The following GULP1 variants were observed in gnomAD, a reference collection of about 807,000 sequenced individuals.
GULP1 encodes PTB domain-containing engulfment adapter protein 1.
GULP1 carries 19 observed loss-of-function variants against 40.9 expected under a neutral mutation model. The ratio of observed to expected loss-of-function variants is 0.46; its 90% CI spans 0.32 to 0.68. GULP1 has a LOEUF of 0.68. Ranked by LOEUF, GULP1 falls within the 30% of genes least tolerant of loss-of-function variation. GULP1 has a pLI of 0.03. For synonymous variants in GULP1, 119 were observed against 117.6 expected (o/e 1.01, Z -0.08); for missense variants, 312 against 362.2 (o/e 0.86, Z 1.12).
chr2:188,385,515 G>A (rs1367522020), intron 2 of GULP1, among the ~76,000 whole-genome samples: 2 of 152,132 alleles, frequency 1.3e-5, no homozygotes, highest in East Asian at 3.9e-4. Context: ...ATTAACATTT[G>A]GCTCCTTGTT....
At chr2:188,382,030 T>C (rs1267150000) in intron 1 of GULP1, among the ~76,000 whole-genome samples, 1 of 152,190 alleles carries the variant, frequency 6.6e-6, no homozygotes, top group Non-Finnish European at 1.5e-5. Flanking sequence ...CCTTAAAATA[T>C]ACTGTGCTAA....
intron 6 of GULP1, 114 bp from the exon 7 acceptor site, chr2:188,541,067 G>T: frequency 1.2e-6 from 1 of 864,590 alleles, no homozygotes; most frequent in African/African-American, 1.7e-5. Context: ...TAAAATCAAA[G>T]ATTGACAGAT....
At chr2:188,399,734 T>TGTAA in intron 2 of GULP1, among the ~76,000 whole-genome samples, 1 of 78,924 alleles carries the variant, frequency 1.3e-5, no homozygotes, top group South Asian at 4.5e-4. Context: ...GTAATAACAA[T>TGTAA]AAAATGTCAT....
chr2:188,478,524 T>G (rs2061210435), intron 3 of GULP1, among the ~76,000 whole-genome samples: 1 of 151,966 alleles, frequency 6.6e-6, no homozygotes, highest in Non-Finnish European at 1.5e-5. Flanking sequence ...AATTCATAGG[T>G]GATTGAAAGC....
chr2:188,593,872 T>C, intron 11 of GULP1, 68 bp from the exon 12 acceptor site: 1 of 883,540 alleles, frequency 1.1e-6, no homozygotes, highest in Non-Finnish European at 1.9e-6. Flanking sequence ...GTGCATAGTC[T>C]TTTTTATTCA....
chr2:188,448,574 GA>G (rs1278400205), intron 2 of GULP1, among the ~76,000 whole-genome samples: 1 of 152,116 alleles, frequency 6.6e-6, no homozygotes, highest in Non-Finnish European at 1.5e-5. Context: ...GAAATATTTA[GA>G]ACTTACATTG....
chr2:188,320,914 A>G (rs1323698367), intron 1 of GULP1, among the ~76,000 whole-genome samples: 2 of 150,214 alleles, frequency 1.3e-5, no homozygotes, highest in African/African-American at 4.8e-5. Flanking sequence ...CTCCTCCTCC[A>G]GAAAAAAAAA....
intron 2 of GULP1, among the ~76,000 whole-genome samples, chr2:188,452,220 A>G (rs1559257454): frequency 1.3e-5 from 2 of 152,158 alleles, no homozygotes; most frequent in African/African-American, 4.8e-5. Flanking sequence ...ATGTGTTAAG[A>G]ATAATGAAAG....
intron 11 of GULP1, chr2:188,589,626 G>T: frequency 2.0e-6 from 1 of 512,784 alleles, no homozygotes; most frequent in South Asian, 3.6e-5. Context: ...ACAATGTATT[G>T]GGATGATTGA....
At chr2:188,462,305 A>AT (rs976070351) in intron 2 of GULP1, among the ~76,000 whole-genome samples, 2 of 151,946 alleles carry the variant, frequency 1.3e-5, no homozygotes, top group African/African-American at 4.8e-5. Context: ...TATTATTTCA[A>AT]TTTTTTGAAT....
chr2:188,422,045 G>A (rs544847550), intron 2 of GULP1, among the ~76,000 whole-genome samples: 15 of 147,228 alleles, frequency 1.0e-4, no homozygotes, highest in African/African-American at 2.5e-4. Flanking sequence ...AGAAATATTC[G>A]CAACTTAAAT....
intron 1 of GULP1, among the ~76,000 whole-genome samples, chr2:188,297,911 G>T (rs192590387): frequency 5.3e-5 from 8 of 152,100 alleles, no homozygotes; most frequent in Non-Finnish European, 1.0e-4. Context: ...TGTGATTTTA[G>T]CTTCTCAATT....
At chr2:188,411,588 T>A (rs902898438) in intron 2 of GULP1, among the ~76,000 whole-genome samples, 4 of 152,166 alleles carry the variant, frequency 2.6e-5, no homozygotes, top group African/African-American at 9.7e-5. Flanking sequence ...CACCCTTTGT[T>A]GAGCATTCAC....
At chr2:188,517,945 A>G (rs916583334) in intron 4 of GULP1, among the ~76,000 whole-genome samples, 3 of 151,220 alleles carry the variant, frequency 2.0e-5, no homozygotes, top group African/African-American at 7.3e-5. Context: ...ATAGTTAACA[A>G]CTCTTCTGTT....
At chr2:188,589,540 C>T in intron 11 of GULP1, 1 of 369,620 alleles carries the variant, frequency 2.7e-6, no homozygotes, top group South Asian at 1.1e-4. Flanking sequence ...TAGATTTTCC[C>T]AAAATTGGAA....
intron 1 of GULP1, among the ~76,000 whole-genome samples, chr2:188,340,094 A>G (rs941620164): frequency 6.6e-6 from 1 of 152,228 alleles, no homozygotes; most frequent in African/African-American, 2.4e-5. Context: ...GAGGGGATGG[A>G]CTACCTTTAG....
chr2:188,404,012 C>T (rs78470443), intron 2 of GULP1, among the ~76,000 whole-genome samples: 6,813 of 152,172 alleles, frequency 0.045, 170 homozygotes, highest in Middle Eastern at 0.058. Context: ...ACCATTCCCC[C>T]ACTCTCACTA....
At chr2:188,413,601 CATT>C (rs1196270381) in intron 2 of GULP1, among the ~76,000 whole-genome samples, 8 of 152,224 alleles carry the variant, frequency 5.3e-5, no homozygotes, top group African/African-American at 1.7e-4. Context: ...TTAAAATTCT[CATT>C]ATGTGTGCAA....
At chr2:188,564,240 T>C (rs951303533) in intron 7 of GULP1, among the ~76,000 whole-genome samples, 1 of 151,906 alleles carries the variant, frequency 6.6e-6, no homozygotes, top group Non-Finnish European at 1.5e-5. Context: ...TTTAACGTGG[T>C]ATTAGGTGCC....
Sources: gnomAD v4.1 joint callset for allele counts (sites outside exome capture counted in the v4.1 genomes callset) on GRCh38, gnomAD v4.1.1 for gene constraint, MANE v1.5 for transcripts, NCBI Gene and HGNC (gene_info 2026-07-23, HGNC 2026-07-21) for gene names.